Variants in ADGRE1 observed in about 807,000 individuals in gnomAD.
ADGRE1 encodes the protein EGF-like module receptor 1.
Under a neutral mutation model 102.7 loss-of-function variants are expected in ADGRE1, and 82 were observed. The observed-to-expected ratio is 0.80, with a 90% confidence interval of 0.67 to 0.96. The LOEUF (loss-of-function observed/expected upper bound fraction) is 0.96. Among genes scored for constraint, ADGRE1 ranks in the 40% least tolerant of loss-of-function variants. The pLI, the probability that ADGRE1 is intolerant of heterozygous loss-of-function variation, is 0.00. For missense variants in ADGRE1, 1,032 were observed against 1,085.3 expected, an observed-to-expected ratio of 0.95 and a Z score of 0.69; for synonymous variants, 398 against 399.6, an observed-to-expected ratio of 1.00 and a Z score of 0.05.
intron 1 of ADGRE1, among the ~76,000 whole-genome samples, chr19:6,889,096 AGATGGTGAT>A (rs1295218655): frequency 2.0e-5 from 3 of 151,476 alleles, no homozygotes; most frequent in Admixed American, 1.3e-4. Context: ...ATGACCATGA[AGATGGTGAT>A]GATGGTGATG....
At chr19:6,899,537 G>A (rs1449651347) in intron 5 of ADGRE1, among the ~76,000 whole-genome samples, 13 of 151,552 alleles carry the variant, frequency 8.6e-5, no homozygotes, top group Non-Finnish European at 1.8e-4. Flanking sequence ...AAAATTAGCC[G>A]GGCATGGTGG....
intron 12 of ADGRE1, among the ~76,000 whole-genome samples, chr19:6,916,775 T>TAATATTTAAATTTTTAAAATATGC (rs1974403605): frequency 6.6e-6 from 1 of 151,222 alleles, no homozygotes; most frequent in Admixed American, 6.6e-5. Flanking sequence ...TTAAAATATG[T>TAATATTTAAATTTTTAAAATATGC]AATATTTAAA....
chr19:6,923,621 C>G (rs1974764058), intron 14 of ADGRE1, among the ~76,000 whole-genome samples: 1 of 152,042 alleles, frequency 6.6e-6, no homozygotes, highest in African/African-American at 2.4e-5. Context: ...ACCTCTGCCT[C>G]CCAGGTTCAA....
At chr19:6,913,242 G>A (rs868679772) in intron 10 of ADGRE1, among the ~76,000 whole-genome samples, 16 of 151,940 alleles carry the variant, frequency 1.1e-4, no homozygotes, top group Admixed American at 4.6e-4. Context: ...GCAGTGGTGC[G>A]ATCTCAGCTC....
intron 12 of ADGRE1, among the ~76,000 whole-genome samples, chr19:6,918,390 G>A (rs1974484906): frequency 6.6e-6 from 1 of 151,936 alleles, no homozygotes. Context: ...GCAGTGAGCC[G>A]AGAACCTGCC....
intron 2 of ADGRE1, among the ~76,000 whole-genome samples, chr19:6,892,536 T>G (rs973145856): frequency 2.6e-5 from 4 of 152,184 alleles, no homozygotes; most frequent in African/African-American, 9.6e-5. Flanking sequence ...ACCCCCTCCT[T>G]GGTCAGTTTA....
intron 1 of ADGRE1, among the ~76,000 whole-genome samples, chr19:6,889,232 GTGATAATGGTGATGGTGATGA>G (rs1373675915): frequency 6.6e-6 from 1 of 150,842 alleles, no homozygotes; most frequent in Non-Finnish European, 1.5e-5. Context: ...GGTGGTGATG[GTGATAATGGTGATGGTGATGA>G]TGATAATGGT....
chr19:6,935,119 C>T (rs770875175), intron 18 of ADGRE1, 41 bp downstream of exon 18: 6 of 1,495,048 alleles, frequency 4.0e-6, no homozygotes, highest in Middle Eastern at 1.8e-4. Context: ...TTAATTTCCT[C>T]TTTCTTCTTC....
intron 2 of ADGRE1, among the ~76,000 whole-genome samples, chr19:6,894,540 G>A (rs1187411361): frequency 6.6e-6 from 1 of 152,208 alleles, no homozygotes. Context: ...AGGCCCTGTG[G>A]TAGGAAGGCT....
chr19:6,924,944 A>G (rs1974835937), intron 15 of ADGRE1, 72 bp downstream of exon 15: 1 of 1,507,408 alleles, frequency 6.6e-7, no homozygotes, highest in Admixed American at 1.7e-5. Context: ...ATTCCTAGCC[A>G]ACTCCCTCTA....
chr19:6,900,693 A>G (rs904611759), intron 5 of ADGRE1, among the ~76,000 whole-genome samples: 1 of 152,136 alleles, frequency 6.6e-6, no homozygotes, highest in African/African-American at 2.4e-5. Flanking sequence ...GTTATTCTCC[A>G]CATTCATTTA....
intron 3 of ADGRE1, 35 bp downstream of exon 3, chr19:6,896,576 G>T (rs369719069): frequency 1.0e-5 from 16 of 1,602,008 alleles, no homozygotes; most frequent in Non-Finnish European, 1.4e-5. Context: ...TCCAGCATTT[G>T]GTAGGAAAAT....
intron 17 of ADGRE1, among the ~76,000 whole-genome samples, chr19:6,932,916 G>A (rs1313027193): frequency 6.6e-6 from 1 of 152,148 alleles, no homozygotes. Context: ...AACAATCATG[G>A]AAATAATAAT....
intron 17 of ADGRE1, chr19:6,928,594 A>C (rs1599762755): frequency 4.4e-6 from 1 of 225,778 alleles, no homozygotes; most frequent in Non-Finnish European, 8.7e-6. Flanking sequence ...ATGCCACTGT[A>C]CTCCAGCCTG....
chr19:6,894,730 T>A (rs1286003520), intron 2 of ADGRE1, among the ~76,000 whole-genome samples: 1 of 152,022 alleles, frequency 6.6e-6, no homozygotes, highest in Non-Finnish European at 1.5e-5. Flanking sequence ...ATGACCATGG[T>A]GTGGAGTAGA....
At chr19:6,937,878 T>C (rs1179254171) in intron 20 of ADGRE1, among the ~76,000 whole-genome samples, 3 of 152,108 alleles carry the variant, frequency 2.0e-5, no homozygotes, top group Non-Finnish European at 4.4e-5. Context: ...ATAAGACATA[T>C]ATAATTTATA....
intron 13 of ADGRE1, among the ~76,000 whole-genome samples, chr19:6,920,291 G>A (rs115376278): frequency 6.7e-6 from 1 of 149,642 alleles, no homozygotes; most frequent in Admixed American, 6.7e-5. Context: ...ACAATTTCAA[G>A]TCATTGCAAG....
At chr19:6,902,597 T>A (rs4807911) in intron 6 of ADGRE1, among the ~76,000 whole-genome samples, 1 of 151,498 alleles carries the variant, frequency 6.6e-6, no homozygotes, top group African/African-American at 2.4e-5. Context: ...TGTGGCACCA[T>A]GTCCAGCTAA....
intron 8 of ADGRE1, 145 bp downstream of exon 8, chr19:6,904,327 CTT>C: frequency 9.0e-7 from 1 of 1,116,968 alleles, no homozygotes; most frequent in Non-Finnish European, 1.2e-6. Flanking sequence ...TCCATTTACT[CTT>C]TCAACAAATG....
Sources: gnomAD v4.1 joint callset for allele counts (sites outside exome capture counted in the v4.1 genomes callset) on GRCh38, gnomAD v4.1.1 for gene constraint, MANE v1.5 for transcripts, NCBI Gene and HGNC (gene_info 2026-07-23, HGNC 2026-07-21) for gene names.